Variants in ZNF804A observed in about 807,000 individuals in gnomAD.
ZNF804A encodes zinc finger protein 804A.
In ZNF804A, 2 loss-of-function variants were observed where a neutral mutation model predicts 16.5. The ratio of observed to expected loss-of-function variants is 0.12; its 90% CI spans 0.05 to 0.38. ZNF804A has a LOEUF of 0.38. Among genes scored for constraint, ZNF804A ranks in the 10% least tolerant of loss-of-function variants. The pLI, the probability that ZNF804A is intolerant of heterozygous loss-of-function variation, is 0.99. For synonymous variants in ZNF804A, 534 were observed against 489.6 expected, an observed-to-expected ratio of 1.09 and a Z score of -1.20; for missense variants, 1,473 against 1,390.7, an observed-to-expected ratio of 1.06 and a Z score of -0.94.
intron 1 of ZNF804A, among the ~76,000 whole-genome samples, chr2:184,628,680 C>T (rs912726946): frequency 6.6e-6 from 1 of 151,902 alleles, no homozygotes; most frequent in African/African-American, 2.4e-5. Flanking sequence ...TGTTTGAGTT[C>T]ATCACATCTA....
chr2:184,856,351 T>G (rs967981618), intron 1 of ZNF804A, among the ~76,000 whole-genome samples: 1 of 146,440 alleles, frequency 6.8e-6, no homozygotes, highest in Non-Finnish European at 1.5e-5. Flanking sequence ...TCTTTTTATC[T>G]AAAAAAAAAA....
At chr2:184,823,077 A>T (rs930686792) in intron 1 of ZNF804A, among the ~76,000 whole-genome samples, 1 of 152,136 alleles carries the variant, frequency 6.6e-6, no homozygotes, top group Non-Finnish European at 1.5e-5. Flanking sequence ...TATTTCACAC[A>T]GTATTGGAGG....
intron 2 of ZNF804A, among the ~76,000 whole-genome samples, chr2:184,886,298 A>G (rs111734715): frequency 0.015 from 2,337 of 152,302 alleles, 27 homozygotes; most frequent in Admixed American, 0.032. Flanking sequence ...GTTGGTTACC[A>G]TGGTCTTGCG....
chr2:184,776,317 A>G (rs539006357), intron 1 of ZNF804A, among the ~76,000 whole-genome samples: 1 of 151,722 alleles, frequency 6.6e-6, no homozygotes, highest in Admixed American at 6.6e-5. Flanking sequence ...GACAAGAAGA[A>G]CAAATGTAGA....
chr2:184,856,181 A>G (rs566826728), intron 1 of ZNF804A, among the ~76,000 whole-genome samples: 21 of 152,230 alleles, frequency 1.4e-4, no homozygotes, highest in Admixed American at 1.3e-3. Context: ...ATAAAGAACC[A>G]TAAAGCATAT....
Position 184,744,048 on chromosome 2 carries a change from A to G in ZNF804A, c.112-122321A>G, listed in dbSNP as rs190167014. ...AAGCATTAAAATGAATCCATTTTCT[A>G]TTACTTAAAATAACCACTTGTTAAT... On this transcript the variant is annotated intron_variant, in intron 1 of 3. Transcript: ENST00000302277. Among the ~76,000 whole-genome samples the G allele has an allele frequency of 1.8e-4, 28 of 152,032 alleles. No homozygotes were observed. The East Asian group carries it at 3.3e-3, about 18-fold the overall frequency.
At chr2:184,646,979 G>A (rs1257937770) in intron 1 of ZNF804A, among the ~76,000 whole-genome samples, 1 of 152,190 alleles carries the variant, frequency 6.6e-6, no homozygotes, top group Non-Finnish European at 1.5e-5. Flanking sequence ...AGGTAACGTA[G>A]ACAATCACTG....
At chr2:184,877,989 GA>G (rs1181515672) in intron 2 of ZNF804A, among the ~76,000 whole-genome samples, 2 of 152,042 alleles carry the variant, frequency 1.3e-5, no homozygotes, top group African/African-American at 4.8e-5. Context: ...GCATTACAAA[GA>G]TACAAAGAAA....
intron 1 of ZNF804A, among the ~76,000 whole-genome samples, chr2:184,613,042 G>C (rs1691263483): frequency 6.6e-6 from 1 of 152,234 alleles, no homozygotes; most frequent in Admixed American, 6.5e-5. Context: ...ATATGATGTT[G>C]TATGAACAAT....
At chr2:184,670,171 A>T (rs1692320445) in intron 1 of ZNF804A, among the ~76,000 whole-genome samples, 2 of 151,954 alleles carry the variant, frequency 1.3e-5, no homozygotes, top group African/African-American at 4.8e-5. Flanking sequence ...TTTCTATATA[A>T]ATATGCTTTT....
intron 1 of ZNF804A, among the ~76,000 whole-genome samples, chr2:184,687,845 G>A (rs904382844): frequency 3.9e-5 from 6 of 152,168 alleles, no homozygotes; most frequent in Admixed American, 6.5e-5. Flanking sequence ...TAGGCCAGGC[G>A]TGGTGGTTCA....
chr2:184,623,692 A>G (rs1160018451), intron 1 of ZNF804A, among the ~76,000 whole-genome samples: 1 of 152,166 alleles, frequency 6.6e-6, no homozygotes, highest in African/African-American at 2.4e-5. Context: ...ATGTTACTGC[A>G]TTGGAGCATG....
intron 1 of ZNF804A, among the ~76,000 whole-genome samples, chr2:184,705,104 T>C (rs1319448120): frequency 1.3e-5 from 2 of 152,168 alleles, no homozygotes; most frequent in East Asian, 3.8e-4. Flanking sequence ...TAAGCAGAGA[T>C]GAGACTGGAA....
chr2:184,823,307 C>T (rs1424888712), intron 1 of ZNF804A, among the ~76,000 whole-genome samples: 3 of 152,066 alleles, frequency 2.0e-5, no homozygotes, highest in African/African-American at 4.8e-5. Flanking sequence ...CATGATTTAA[C>T]ACCTCCTAAG....
intron 1 of ZNF804A, among the ~76,000 whole-genome samples, chr2:184,615,673 T>G (rs1221058222): frequency 6.6e-6 from 1 of 152,176 alleles, no homozygotes; most frequent in Non-Finnish European, 1.5e-5. Context: ...TTGGCTATTT[T>G]TTTAACAATC....
At chr2:184,694,746 T>C (rs1692792852) in intron 1 of ZNF804A, among the ~76,000 whole-genome samples, 3 of 152,204 alleles carry the variant, frequency 2.0e-5, no homozygotes, top group African/African-American at 7.2e-5. Context: ...TCTAAAATAA[T>C]ATTCATTTAT....
chr2:184,905,769 T>C (rs1191162088), intron 2 of ZNF804A, among the ~76,000 whole-genome samples: 1 of 152,138 alleles, frequency 6.6e-6, no homozygotes, highest in Non-Finnish European at 1.5e-5. Context: ...GAGAAAATGG[T>C]CACCTCTACT....
At chr2:184,859,936 G>T (rs909819567) in intron 1 of ZNF804A, among the ~76,000 whole-genome samples, 5 of 152,160 alleles carry the variant, frequency 3.3e-5, no homozygotes, top group Non-Finnish European at 5.9e-5. Context: ...ATGAGCCTGA[G>T]TCTTCAAGGG....
intron 2 of ZNF804A, among the ~76,000 whole-genome samples, chr2:184,901,537 G>C (rs1685181960): frequency 6.6e-6 from 1 of 152,046 alleles, no homozygotes; most frequent in Non-Finnish European, 1.5e-5. Flanking sequence ...AAACATCTGG[G>C]GTCATAGGTA....
Sources: gnomAD v4.1 joint callset for allele counts (sites outside exome capture counted in the v4.1 genomes callset) on GRCh38, gnomAD v4.1.1 for gene constraint, MANE v1.5 for transcripts, NCBI Gene and HGNC (gene_info 2026-07-23, HGNC 2026-07-21) for gene names.